ZSWIM6: variants seen among roughly 807,000 people sequenced by gnomAD.
ZSWIM6 encodes zinc finger SWIM-type containing 6.
ZSWIM6 carries 9 observed loss-of-function variants against 113.2 expected under a neutral mutation model. The ratio of observed to expected loss-of-function variants is 0.08; its 90% confidence interval spans 0.05 to 0.14. The LOEUF (loss-of-function observed/expected upper bound fraction) is 0.14, where lower values mean the gene tolerates loss of function less well. ZSWIM6 is among the 10% of genes least tolerant of loss of function. ZSWIM6 has a pLI of 1.00. For synonymous variants in ZSWIM6, 611 were observed against 606.5 expected (o/e 1.01, Z -0.11); for missense variants, 1,162 against 1,552.2 (o/e 0.75, Z 4.22).
intron 1 of ZSWIM6, among the ~76,000 whole-genome samples, chr5:61,453,565 G>A (rs1747134149): frequency 6.6e-6 from 1 of 151,724 alleles, no homozygotes; most frequent in African/African-American, 2.4e-5. Context: ...TTGTAGAGAT[G>A]GGGTTTTGCC....
At chr5:61,509,205 CATA>C (rs1378996750) in intron 4 of ZSWIM6, among the ~76,000 whole-genome samples, 1 of 152,080 alleles carries the variant, frequency 6.6e-6, no homozygotes, top group Non-Finnish European at 1.5e-5. Flanking sequence ...TTTCATTTTT[CATA>C]ATATTTCATT....
intron 1 of ZSWIM6, among the ~76,000 whole-genome samples, chr5:61,340,136 A>T (rs1484729470): frequency 6.6e-6 from 1 of 152,096 alleles, no homozygotes; most frequent in Non-Finnish European, 1.5e-5. Flanking sequence ...AAAATAGGAC[A>T]TTTCCTTATT....
chr5:61,363,730 G>A (rs1329086302), intron 1 of ZSWIM6, among the ~76,000 whole-genome samples: 2 of 152,088 alleles, frequency 1.3e-5, no homozygotes, highest in African/African-American at 2.4e-5. Context: ...TATGTTTAAA[G>A]GTTATTAAAA....
rs913512730 is a variant in ZSWIM6 at position 61,494,361 on chromosome 5, A to G, written c.1284A>G (p.Gln428=). ...MADPRLSLWR[Q]QGTAMTDKYR... ...ACCCTCGCCTGTCACTTTGGCGGCA[A>G]CAAGGCACTGCAATGACTGACAAAT... Residue 428 remains glutamine, a synonymous_variant, in exon 4 of 14, where the codon CAA becomes CAG. Transcript: ENST00000252744. 47 of 1,551,056 alleles carry G rather than the reference A, an allele frequency of 3.0e-5. No homozygotes were observed. Among genetic ancestry groups the G allele is most frequent in the African/African-American group, 5.5e-5 (4 of 73,010 alleles).
intron 4 of ZSWIM6, among the ~76,000 whole-genome samples, chr5:61,509,638 G>C (rs1332326126): frequency 6.6e-6 from 1 of 152,146 alleles, no homozygotes; most frequent in African/African-American, 2.4e-5. Context: ...CCAGACTGGA[G>C]TCCTGGGAGC....
intron 1 of ZSWIM6, among the ~76,000 whole-genome samples, chr5:61,368,660 G>A (rs1745207607): frequency 6.6e-6 from 1 of 152,154 alleles, no homozygotes; most frequent in Non-Finnish European, 1.5e-5. Flanking sequence ...CTATTATGGG[G>A]TGTTAGTAGA....
chr5:61,436,245 G>C (rs1746704787), intron 1 of ZSWIM6, among the ~76,000 whole-genome samples: 1 of 151,658 alleles, frequency 6.6e-6, no homozygotes, highest in Non-Finnish European at 1.5e-5. Flanking sequence ...CACTAAATGA[G>C]ATGTTGGTAG....
At chr5:61,411,551 T>C (rs1348926715) in intron 1 of ZSWIM6, among the ~76,000 whole-genome samples, 2 of 152,242 alleles carry the variant, frequency 1.3e-5, no homozygotes. Flanking sequence ...ATATATTGTC[T>C]TCAATGTGTT....
chr5:61,539,083 G>T, intron 11 of ZSWIM6, 112 bp downstream of exon 11: 1 of 1,208,684 alleles, frequency 8.3e-7, no homozygotes. Context: ...CAGATAGGTT[G>T]AAGGGATCTT....
At chr5:61,333,009 G>GGCCCCCCCCCC in intron 1 of ZSWIM6, 61 bp downstream of exon 1, 1 of 439,898 alleles carries the variant, frequency 2.3e-6, no homozygotes, top group Non-Finnish European at 3.2e-6. Context: ...TGGGGGGGGG[G>GGCCCCCCCCCC]TGCCCGCCTT....
intron 1 of ZSWIM6, among the ~76,000 whole-genome samples, chr5:61,355,104 A>G (rs551857491): frequency 2.0e-5 from 3 of 152,244 alleles, no homozygotes; most frequent in Admixed American, 2.0e-4. Context: ...TCACAATTCT[A>G]CTAGCCCCAC....
chr5:61,335,528 T>A (rs1425669533), intron 1 of ZSWIM6, among the ~76,000 whole-genome samples: 1 of 152,258 alleles, frequency 6.6e-6, no homozygotes, highest in Non-Finnish European at 1.5e-5. Flanking sequence ...ATTGATATGC[T>A]AACTTGAAAG....
Position 61,543,606 on chromosome 5 carries a change from C to G in ZSWIM6, c.2937C>G (p.Ser979Arg). ...ACCAGCAGGAAAAGCTGGCCAGCAGCGCCCGGACACTTGCACTGCAGTGTG... is the reference window on the plus strand; with the variant it reads ...ACCAGCAGGAAAAGCTGGCCAGCAGGGCCCGGACACTTGCACTGCAGTGTG... ...DCHQQEKLAS[S>R]ARTLALQCAM... The change falls in exon 14 of 14, where the codon AGC (serine) becomes AGG (arginine). Residue 979 changes from serine (S) to arginine (R), a missense_variant. By Grantham distance (110) the Ser-to-Arg change is moderately radical. Transcript: ENST00000252744. This position sits in a 1 kb window ranked among gnomAD's most constrained non-coding sequence, Gnocchi z 4.3. 5 of 1,551,758 alleles carry G rather than the reference C, an allele frequency of 3.2e-6. No homozygotes were observed. The highest frequency in any genetic ancestry group is 4.4e-6 in the Non-Finnish European group (5 of 1,147,030).
At chr5:61,373,724 T>TA (rs1745313002) in intron 1 of ZSWIM6, among the ~76,000 whole-genome samples, 1 of 152,188 alleles carries the variant, frequency 6.6e-6, no homozygotes, top group South Asian at 2.1e-4. Context: ...CTAAAATTCT[T>TA]ACTGTTGTCT....
At chr5:61,392,630 T>C (rs959176213) in intron 1 of ZSWIM6, among the ~76,000 whole-genome samples, 5 of 152,198 alleles carry the variant, frequency 3.3e-5, no homozygotes, top group Non-Finnish European at 5.9e-5. Flanking sequence ...TTATTTATAT[T>C]GAGATGGAGT....
chr5:61,437,149 A>T (rs921124030), intron 1 of ZSWIM6, among the ~76,000 whole-genome samples: 2 of 152,218 alleles, frequency 1.3e-5, no homozygotes, highest in Non-Finnish European at 2.9e-5. Flanking sequence ...TCGGCAGCCA[A>T]AGGATTCCTT....
At chr5:61,403,796 G>A (rs1420226548) in intron 1 of ZSWIM6, among the ~76,000 whole-genome samples, 1 of 152,172 alleles carries the variant, frequency 6.6e-6, no homozygotes, top group Non-Finnish European at 1.5e-5. Context: ...AGTTTTTAAT[G>A]TGCAGTTCTT....
intron 2 of ZSWIM6, among the ~76,000 whole-genome samples, chr5:61,485,412 C>T (rs545899944): frequency 2.6e-4 from 40 of 152,298 alleles, no homozygotes; most frequent in African/African-American, 9.6e-4. Context: ...AAATCCTCTT[C>T]CCTCTTCTCC....
chr5:61,447,576 G>C (rs1746988455), intron 1 of ZSWIM6, among the ~76,000 whole-genome samples: 1 of 152,138 alleles, frequency 6.6e-6, no homozygotes, highest in Non-Finnish European at 1.5e-5. Context: ...GCAGCAGCGT[G>C]GCCAAAGAGA....
Sources: allele counts gnomAD v4.1 joint callset (sites outside exome capture counted in the v4.1 genomes callset), GRCh38; gene constraint gnomAD v4.1.1; non-coding constraint Gnocchi (gnomAD v3.1); transcripts MANE v1.5; gene names NCBI Gene and HGNC (gene_info 2026-07-23, HGNC 2026-07-21).